Variants in GNB4 observed in about 807,000 individuals in gnomAD.
GNB4 encodes guanine nucleotide-binding protein subunit beta-4.
In GNB4, 28 loss-of-function variants were observed where a neutral mutation model predicts 45.2. The observed-to-expected ratio is 0.62, with a 90% CI of 0.46 to 0.85. The LOEUF is 0.85. GNB4 is among the 40% of genes least tolerant of loss of function. GNB4 has a pLI of 0.00. For synonymous variants in GNB4, 132 were observed against 143.7 expected, an observed-to-expected ratio of 0.92 and a Z score of 0.58; for missense variants, 321 against 425.4, an observed-to-expected ratio of 0.75 and a Z score of 2.16.
At chr3:179,525,468 A>C in the GNB4 span, among the ~76,000 whole-genome samples, 1 of 152,090 alleles carries the variant, frequency 6.6e-6, no homozygotes, top group Non-Finnish European at 1.5e-5. Context: ...GACACGGAGA[A>C]GGGGGTGGTG....
At chr3:179,442,925 C>A in intron 1 of GNB4, among the ~76,000 whole-genome samples, 1 of 152,100 alleles carries the variant, frequency 6.6e-6, no homozygotes, top group East Asian at 1.9e-4. Context: ...CCACCATACC[C>A]GGCAGTTTTG....
the GNB4 span, among the ~76,000 whole-genome samples, chr3:179,524,545 C>T: frequency 4.6e-4 from 70 of 152,254 alleles, no homozygotes; most frequent in South Asian, 6.0e-3. Context: ...ACCTTGAAGG[C>T]GAGGTGAATT....
upstream of GNB4, among the ~76,000 whole-genome samples, chr3:179,451,869 C>T (rs1715891644): frequency 6.6e-6 from 1 of 152,072 alleles, no homozygotes; most frequent in African/African-American, 2.4e-5. Flanking sequence ...CCCAAAGGCC[C>T]CATTTAGGTT....
the GNB4 span, among the ~76,000 whole-genome samples, chr3:179,483,357 A>G: frequency 6.6e-6 from 1 of 151,950 alleles, no homozygotes; most frequent in East Asian, 1.9e-4. Flanking sequence ...ATACTATTTT[A>G]TGAATAAATT....
the GNB4 span, chr3:179,465,056 G>A: frequency 6.7e-7 from 1 of 1,496,596 alleles, no homozygotes; most frequent in African/African-American, 1.4e-5. Flanking sequence ...TACTTCCAAA[G>A]AGCAGTTGAA....
chr3:179,437,231 A>T (rs577489488), intron 1 of GNB4, among the ~76,000 whole-genome samples: 19 of 152,222 alleles, frequency 1.2e-4, no homozygotes, highest in Non-Finnish European at 2.2e-4. Context: ...GCACCCACAG[A>T]GTCAAGAATT....
chr3:179,481,362 T>G, the GNB4 span, among the ~76,000 whole-genome samples: 3 of 151,966 alleles, frequency 2.0e-5, no homozygotes, highest in African/African-American at 4.8e-5. Context: ...CAGGCTAGAG[T>G]GCAGCATTGT....
chr3:179,509,029 T>C, the GNB4 span, among the ~76,000 whole-genome samples: 2 of 150,024 alleles, frequency 1.3e-5, no homozygotes. Flanking sequence ...TCCAGAAATA[T>C]GTATTTCCTA....
intron 8 of GNB4, among the ~76,000 whole-genome samples, chr3:179,408,193 T>C (rs1714533971): frequency 1.3e-5 from 2 of 151,928 alleles, no homozygotes; most frequent in South Asian, 4.2e-4. Flanking sequence ...ATATGACCTA[T>C]AATTAGGAGA....
chr3:179,443,612 T>A (rs1715648567), intron 1 of GNB4, among the ~76,000 whole-genome samples: 1 of 152,172 alleles, frequency 6.6e-6, no homozygotes, highest in Non-Finnish European at 1.5e-5. Flanking sequence ...TCACTGTAGA[T>A]TTCATTTTTC....
chr3:179,419,329 G>T, intron 4 of GNB4, 70 bp downstream of exon 4: 1 of 968,468 alleles, frequency 1.0e-6, no homozygotes, highest in Non-Finnish European at 1.7e-6. Context: ...CAAAGAAAAT[G>T]CAAATGATGG....
chr3:179,410,921 T>C (rs1714632826), intron 8 of GNB4, among the ~76,000 whole-genome samples: 1 of 152,104 alleles, frequency 6.6e-6, no homozygotes, highest in African/African-American at 2.4e-5. Flanking sequence ...ATAGATAAAA[T>C]CTTTGAAAGT....
the GNB4 span, among the ~76,000 whole-genome samples, chr3:179,511,928 G>C: frequency 2.6e-5 from 4 of 152,176 alleles, no homozygotes; most frequent in African/African-American, 7.2e-5. Context: ...CCACGCGGCT[G>C]AGTACTTGAA....
intron 8 of GNB4, chr3:179,405,747 G>T: frequency 5.6e-6 from 1 of 178,218 alleles, no homozygotes; most frequent in South Asian, 1.6e-4. Context: ...GGCTGTTGTA[G>T]AACGAATGGC....
chr3:179,433,151 C>G (rs1559978748), intron 1 of GNB4, among the ~76,000 whole-genome samples: 1 of 152,146 alleles, frequency 6.6e-6, no homozygotes, highest in Non-Finnish European at 1.5e-5. Flanking sequence ...AGTTTTCCAT[C>G]TACACTAGTT....
intron 1 of GNB4, among the ~76,000 whole-genome samples, chr3:179,428,934 T>C (rs1043101966): frequency 2.0e-5 from 3 of 152,082 alleles, no homozygotes; most frequent in Non-Finnish European, 2.9e-5. Context: ...TGAATGAGAA[T>C]TTCCAGGCTG....
Position 179,441,174 on chromosome 3 carries a change from A to G in GNB4, c.-43+10172T>C, listed in dbSNP as rs149068896. Among the ~76,000 whole-genome samples, 4 of 152,350 alleles carry G rather than the reference A, an allele frequency of 2.6e-5. No homozygotes were observed. In the East Asian group the frequency reaches 7.7e-4, roughly 29 times the overall value. ...ACATTCATCCATTGGAAAAACAGGT[A>G]AGTAACTATACAGCCATGCATCACT... On this transcript the variant is annotated intron_variant, in intron 1 of 9. Transcript: ENST00000232564.
At chr3:179,435,028 T>TG (rs1715407596) in intron 1 of GNB4, among the ~76,000 whole-genome samples, 1 of 151,954 alleles carries the variant, frequency 6.6e-6, no homozygotes, top group Non-Finnish European at 1.5e-5. Flanking sequence ...TGAAGTCCAC[T>TG]GGGAACAATA....
the GNB4 span, among the ~76,000 whole-genome samples, chr3:179,493,794 AAAG>A: frequency 5.3e-5 from 8 of 152,144 alleles, no homozygotes; most frequent in African/African-American, 1.9e-4. Flanking sequence ...TAGGGAAAAG[AAAG>A]AGATAAAAAT....
Sources: gnomAD v4.1 joint callset for allele counts (sites outside exome capture counted in the v4.1 genomes callset) on GRCh38, gnomAD v4.1.1 for gene constraint, MANE v1.5 for transcripts, NCBI Gene and HGNC (gene_info 2026-07-23, HGNC 2026-07-21) for gene names.